The following UAP1 variants were observed in gnomAD, a reference collection of about 807,000 sequenced individuals.
UAP1 encodes UDP-N-acetylhexosamine pyrophosphorylase.
A neutral mutation model predicts 58.5 loss-of-function variants in UAP1; 25 were observed. That is an observed-to-expected ratio of 0.43 (90% CI 0.31 to 0.60). The LOEUF (loss-of-function observed/expected upper bound fraction) is 0.60, where lower values mean the gene tolerates loss of function less well. UAP1 is among the 20% of genes least tolerant of loss of function. The probability of loss-of-function intolerance (pLI) is 0.11; values close to 1 mark genes in which losing one functional copy is unlikely to be tolerated. For synonymous variants in UAP1, 208 were observed against 213.0 expected (o/e 0.98, Z 0.21); for missense variants, 575 against 630.0 (o/e 0.91, Z 0.93).
chr1:162,587,750 C>A, intron 6 of UAP1, 82 bp downstream of exon 6: 1 of 1,315,936 alleles, frequency 7.6e-7, no homozygotes, highest in Non-Finnish European at 1.1e-6. Context: ...GCAGACACCC[C>A]AAGTCCATAT....
Position 162,566,284 on chromosome 1 carries a change from G to A in UAP1, c.216G>A (p.Val72=). The change falls in exon 2 of 11, where the codon GTG becomes GTA. Residue 72 remains valine (V), a synonymous_variant. Coordinates refer to ENST00000271469, the Ensembl canonical transcript of UAP1. ...ATGTGGATGCACGAATGGAACCTGT[G>A]CCTCGAGAGGTATTAGGCAGTGCTA... 1.9e-6 allele frequency: 3 copies of A among 1,614,188 alleles called. No individual in the cohort carries two copies. In the African/African-American group the frequency reaches 4.0e-5, roughly 22 times the overall value.
intron 2 of UAP1, among the ~76,000 whole-genome samples, chr1:162,568,056 T>C (rs1026148279): frequency 2.0e-5 from 3 of 152,218 alleles, no homozygotes; most frequent in African/African-American, 7.2e-5. Flanking sequence ...CCTGGGCTTC[T>C]CCAAGTACTG....
intron 2 of UAP1, among the ~76,000 whole-genome samples, chr1:162,566,870 C>CCAGACCTCAAG (rs1482497017): frequency 1.3e-5 from 2 of 152,132 alleles, no homozygotes; most frequent in Non-Finnish European, 2.9e-5. Flanking sequence ...CAAGTGATTT[C>CCAGACCTCAAG]GCCTGCCTTG....
intron 2 of UAP1, among the ~76,000 whole-genome samples, chr1:162,569,317 T>G (rs16863482): frequency 6.6e-6 from 1 of 152,190 alleles, no homozygotes; most frequent in African/African-American, 2.4e-5. Flanking sequence ...TTGCAAAGTA[T>G]CTGGTGGTTA....
chr1:162,569,622 C>G (rs1196036137), intron 2 of UAP1, among the ~76,000 whole-genome samples: 3 of 152,134 alleles, frequency 2.0e-5, no homozygotes, highest in African/African-American at 7.2e-5. Flanking sequence ...AAAACAAATG[C>G]ATGCTTATTT....
rs1653369962 is a variant in UAP1 at position 162,564,557 on chromosome 1, C to CAA, written c.-57-1454_-57-1453insAA. On this transcript the variant is annotated intron_variant, in intron 1 of 10. Transcript: ENST00000271469. ...CATTTTCTCTGCCACTAATCTGGTTCAGACCTTTGGTATTTCATACCTGCA... is the reference window on the plus strand; with the variant it reads ...CATTTTCTCTGCCACTAATCTGGTTCAAAGACCTTTGGTATTTCATACCTGCA... Among the ~76,000 whole-genome samples, 3 of 152,212 alleles carry CAA rather than the reference C, an allele frequency of 2.0e-5. 1 individual carries two copies. In the South Asian group the frequency reaches 6.2e-4, roughly 32 times the overall value.
chr1:162,574,060 A>T (rs1315283770), intron 2 of UAP1, among the ~76,000 whole-genome samples: 1 of 150,820 alleles, frequency 6.6e-6, no homozygotes, highest in Non-Finnish European at 1.5e-5. Flanking sequence ...CTGGCTCTAA[A>T]TTTATAATGG....
At chr1:162,600,668 A>G (rs532791750), downstream of UAP1, among the ~76,000 whole-genome samples, 3 of 150,848 alleles carry the variant, frequency 2.0e-5, no homozygotes, top group Non-Finnish European at 4.4e-5. Flanking sequence ...TTTGAAGAGC[A>G]TGTGATGTTC....
At chr1:162,587,274 A>G (rs1378901029) in intron 5 of UAP1, among the ~76,000 whole-genome samples, 1 of 152,230 alleles carries the variant, frequency 6.6e-6, no homozygotes, top group Non-Finnish European at 1.5e-5. Context: ...ATAGGAAGGA[A>G]ATAATATACC....
chr1:162,581,790 C>G (rs1654601806), intron 5 of UAP1, among the ~76,000 whole-genome samples: 1 of 152,104 alleles, frequency 6.6e-6, no homozygotes, highest in Non-Finnish European at 1.5e-5. Context: ...TTTCCTGTGA[C>G]AAAGTTATTG....
At chr1:162,581,308 G>A (rs773513701) in exon 5 of UAP1, 25 of 1,611,580 alleles carry the variant, frequency 1.6e-5, no homozygotes, top group Admixed American at 3.3e-5. Flanking sequence ...GGTCTTTATC[G>A]GGCACTTGCA....
chr1:162,566,374 C>T (rs1161496626), intron 2 of UAP1, 26 bp downstream of exon 2: 9 of 1,585,144 alleles, frequency 5.7e-6, no homozygotes, highest in South Asian at 2.3e-5. Context: ...ATATTTCTTA[C>T]TGAAGTTTAT....
At chr1:162,575,348 C>T (rs1471104281) in intron 2 of UAP1, among the ~76,000 whole-genome samples, 3 of 152,036 alleles carry the variant, frequency 2.0e-5, no homozygotes, top group African/African-American at 7.2e-5. Flanking sequence ...GGATTACAGG[C>T]GTGAGCCACT....
In UAP1 at chr1:162,588,835, T is replaced by C; in HGVS notation, c.1169+2T>C. 1 of 1,612,014 alleles carries C rather than the reference T, an allele frequency of 6.2e-7. No homozygotes were observed. The highest frequency in any genetic ancestry group is 8.5e-7 in the Non-Finnish European group (1 of 1,179,304). ...CTTTGACATCTTCCAGTTTGCAAAGTATGCTTTGAATAGTACCAATAAGGT... is the reference window on the plus strand; with the variant it reads ...CTTTGACATCTTCCAGTTTGCAAAGCATGCTTTGAATAGTACCAATAAGGT... On this transcript the variant is annotated splice_donor_variant, in intron 7 of 10. Coordinates refer to ENST00000271469, the Ensembl canonical transcript of UAP1. LOFTEE classifies it high-confidence loss of function.
intron 2 of UAP1, among the ~76,000 whole-genome samples, chr1:162,572,211 A>G (rs1363451248): frequency 6.6e-6 from 1 of 152,224 alleles, no homozygotes; most frequent in Non-Finnish European, 1.5e-5. Context: ...AGCGAACAGG[A>G]GTTTAGGAAA....
At chr1:162,591,074 A>G (rs1655280522) in intron 8 of UAP1, among the ~76,000 whole-genome samples, 3 of 151,920 alleles carry the variant, frequency 2.0e-5, no homozygotes, top group Admixed American at 1.3e-4. Flanking sequence ...ATACAGGCAC[A>G]TGCCACCACA....
intron 2 of UAP1, among the ~76,000 whole-genome samples, chr1:162,573,160 A>T (rs1047736802): frequency 6.6e-6 from 1 of 152,222 alleles, no homozygotes; most frequent in Admixed American, 6.5e-5. Flanking sequence ...CTTAAGGCAC[A>T]TACAAACTCA....
chr1:162,580,155 C>T (rs1654496909), intron 4 of UAP1, among the ~76,000 whole-genome samples: 1 of 152,196 alleles, frequency 6.6e-6, no homozygotes, highest in Admixed American at 6.5e-5. Flanking sequence ...CCGTGAGCCA[C>T]CGCGCCCAGC....
intron 9 of UAP1, chr1:162,593,251 A>T (rs1369641953): frequency 6.4e-6 from 1 of 155,710 alleles, no homozygotes; most frequent in Non-Finnish European, 1.4e-5. Flanking sequence ...TTATTCTCAC[A>T]CTAACAGCTC....
Sources: gnomAD v4.1 joint callset for allele counts (sites outside exome capture counted in the v4.1 genomes callset) on GRCh38, gnomAD v4.1.1 for gene constraint, MANE v1.5 for transcripts, NCBI Gene and HGNC (gene_info 2026-07-23, HGNC 2026-07-21) for gene names.